The following SULT1E1 variants were observed in gnomAD, a reference collection of about 807,000 sequenced individuals.
The protein encoded by SULT1E1 is sulfotransferase family 1E member 1, also known as sulfotransferase 1E1.
SULT1E1 carries 36 observed loss-of-function variants against 33.6 expected under a neutral mutation model. That is an observed-to-expected ratio of 1.07 (90% CI 0.82 to 1.41). The LOEUF is 1.41. SULT1E1 is among the 40% of genes most tolerant of loss of function. The pLI is 0.00. For synonymous variants in SULT1E1, 121 were observed against 111.7 expected (o/e 1.08, Z -0.53); for missense variants, 371 against 345.7 (o/e 1.07, Z -0.58).
At chr4:69,851,966 G>T (rs1189872233) in intron 4 of SULT1E1, among the ~76,000 whole-genome samples, 1 of 151,992 alleles carries the variant, frequency 6.6e-6, no homozygotes, top group Non-Finnish European at 1.5e-5. Flanking sequence ...ACACACTGGG[G>T]CCTGTTGTGG....
Position 69,848,913 on chromosome 4 carries a change from A to C in SULT1E1, c.496+524T>G, listed in dbSNP as rs11573777. Among the ~76,000 whole-genome samples the C allele has an allele frequency of 3.0e-3, 459 of 152,044 alleles. 4 individuals carry two copies. Among genetic ancestry groups the C allele is most frequent in the African/African-American group, 0.011 (447 of 41,550 alleles). The stretch of plus-strand genomic sequence containing the variant: ...ATATCTGCTCAAGTAACTCTTAACA[A>C]ATTTGAGAAACCTGGTTAAAATATT... On this transcript the variant is annotated intron_variant, in intron 5 of 7. Coordinates refer to ENST00000226444, the MANE Select transcript of SULT1E1 (RefSeq NM_005420.3).
chr4:69,841,975 TAAGTA>T lies in SULT1E1; in HGVS notation c.*14_*18del, dbSNP rs1463650082. On this transcript the variant is annotated 3_prime_UTR_variant, in exon 8 of 8. Coordinates refer to ENST00000226444, the MANE Select transcript of SULT1E1 (RefSeq NM_005420.3). ...AAGAAATCTTTAATATCAGATATGT[TAAGTA>T]AAGAAAGACCTTCTTAGATCTCAGT... 7.6e-7 allele frequency: 1 copy of T among 1,317,938 alleles called. No homozygotes were observed. Among genetic ancestry groups the T allele is most frequent in the Non-Finnish European group, 1.1e-6 (1 of 927,336 alleles). 81.6% of individuals were successfully genotyped at this position (1,317,938 alleles called of 1,614,324 possible). A position where few individuals can be genotyped will look rare whatever the true frequency, so the allele number is the denominator to read the frequency against.
chr4:69,822,869 AG>A, the SULT1E1 span, among the ~76,000 whole-genome samples: 1 of 152,018 alleles, frequency 6.6e-6, no homozygotes, highest in Non-Finnish European at 1.5e-5. Flanking sequence ...GCACAAATAA[AG>A]AAAAAAGTGA....
intron 2 of SULT1E1, 150 bp from the exon 3 acceptor site, chr4:69,855,576 T>C: frequency 1.6e-6 from 1 of 643,430 alleles, no homozygotes; most frequent in Non-Finnish European, 2.4e-6. Context: ...AAATATTTTC[T>C]ATAATATTTT....
At chr4:69,824,379 G>T in the SULT1E1 span, among the ~76,000 whole-genome samples, 4 of 152,154 alleles carry the variant, frequency 2.6e-5, no homozygotes, top group South Asian at 2.1e-4. Flanking sequence ...GAAAGGCTTA[G>T]TTAGATCTGG....
chr4:69,822,371 C>A, the SULT1E1 span, among the ~76,000 whole-genome samples: 1 of 152,048 alleles, frequency 6.6e-6, no homozygotes, highest in Non-Finnish European at 1.5e-5. Context: ...CTTTTGGAGG[C>A]CAAGGCAGGA....
chr4:69,825,055 A>G, the SULT1E1 span, among the ~76,000 whole-genome samples: 12 of 152,160 alleles, frequency 7.9e-5, no homozygotes, highest in African/African-American at 2.9e-4. Context: ...ACCAGGAGGA[A>G]CAAACAACTC....
chr4:69,857,374 A>G (rs1210077123), intron 2 of SULT1E1, 126 bp downstream of exon 2: 3 of 1,193,040 alleles, frequency 2.5e-6, no homozygotes, highest in Non-Finnish European at 3.5e-6. Flanking sequence ...TTCTATGTCC[A>G]TATCAAAACT....
the SULT1E1 span, among the ~76,000 whole-genome samples, chr4:69,835,670 C>G: frequency 2.4e-4 from 36 of 152,028 alleles, no homozygotes; most frequent in Admixed American, 1.4e-3. Context: ...ATATCATACA[C>G]TAACATTTCA....
the SULT1E1 span, among the ~76,000 whole-genome samples, chr4:69,825,526 A>T: frequency 6.6e-6 from 1 of 152,142 alleles, no homozygotes; most frequent in Non-Finnish European, 1.5e-5. Context: ...GCCAGTTAAA[A>T]GCAACTAGCA....
chr4:69,855,315 T>C lies in SULT1E1; in HGVS notation c.257A>G (p.Glu86Gly), dbSNP rs779072453. Residue 86 changes from glutamate to glycine, a missense_variant, in exon 3 of 8, where the codon GAA (glutamate) becomes GGA (glycine). Coordinates refer to ENST00000226444, the MANE Select transcript of SULT1E1 (RefSeq NM_005420.3). ...NRIPFLECRKENLMNGVKQLD... is the reference protein window; with the variant it reads ...NRIPFLECRKGNLMNGVKQLD... ...TTGAACGTTACCATTCATGAGGTTT[T>C]CTTTTCTGCATTCCAGGAAAGGTAT... 2 of 1,612,600 alleles carry C rather than the reference T, an allele frequency of 1.2e-6. No homozygotes were observed. The highest frequency in any genetic ancestry group is 1.7e-6 in the Non-Finnish European group (2 of 1,179,302).
chr4:69,858,108 T>G (rs1298186564), intron 1 of SULT1E1, among the ~76,000 whole-genome samples: 1 of 152,134 alleles, frequency 6.6e-6, no homozygotes, highest in Admixed American at 6.5e-5. Context: ...GGTATCTAAG[T>G]CAGAGATTTT....
downstream of SULT1E1, chr4:69,838,544 A>G (rs1720833018): frequency 6.6e-6 from 1 of 152,170 alleles, no homozygotes; most frequent in African/African-American, 2.4e-5. Flanking sequence ...ATGACGCTGT[A>G]CTTTTACTGG....
At chr4:69,847,646 A>G (rs1054466837) in intron 6 of SULT1E1, 52 bp downstream of exon 6, 5 of 1,206,602 alleles carry the variant, frequency 4.1e-6, no homozygotes, top group Non-Finnish European at 5.9e-6. Context: ...GTATTTTCAA[A>G]TGCTAACATC....
In SULT1E1 at chr4:69,855,337, G is replaced by T. The variant is rs758649472; in HGVS notation, c.235C>A (p.Pro79Thr). ...CKEDVIFNRIPFLECRKENLM... is the reference protein window; with the variant it reads ...CKEDVIFNRITFLECRKENLM... Reference sequence around the variant, plus strand: ...TTTTCTTTTCTGCATTCCAGGAAAGGTATTCGATTAAAAATTACATCTTCT... The same window carrying T: ...TTTTCTTTTCTGCATTCCAGGAAAGTTATTCGATTAAAAATTACATCTTCT... The change falls in exon 3 of 8, where the codon CCT becomes ACT. Residue 79 changes from proline to threonine, a missense_variant. Coordinates refer to ENST00000226444, the MANE Select transcript of SULT1E1 (RefSeq NM_005420.3). 4.3e-6 allele frequency: 7 copies of T among 1,612,914 alleles called. No individual in the cohort carries two copies. In the East Asian group the frequency reaches 6.7e-5, roughly 15 times the overall value.
the SULT1E1 span, among the ~76,000 whole-genome samples, chr4:69,822,162 C>G: frequency 1.3e-3 from 191 of 152,212 alleles, 1 homozygote; most frequent in African/African-American, 4.3e-3. Context: ...AATTAATTCC[C>G]TCAACAATTC....
Position 69,857,664 on chromosome 4 carries a change from A to C in SULT1E1, c.-9-11T>G, listed in dbSNP as rs774579519. 4.1e-5 allele frequency: 65 copies of C among 1,573,446 alleles called. No homozygotes were observed. The highest frequency in any genetic ancestry group is 4.9e-5 in the Non-Finnish European group (57 of 1,166,744). ...ATTCATTGTGGTACACTGAAAAAAA[A>C]CCTCTGCTTTATACTTTGTATGTAC... On this transcript the variant is annotated splice_polypyrimidine_tract_variant and intron_variant, in intron 1 of 7. Coordinates refer to ENST00000226444, the MANE Select transcript of SULT1E1 (RefSeq NM_005420.3).
intron 5 of SULT1E1, 199 bp downstream of exon 5, chr4:69,849,238 G>C: frequency 2.5e-6 from 1 of 401,474 alleles, no homozygotes; most frequent in Non-Finnish European, 4.5e-6. Flanking sequence ...TTGGACCAGA[G>C]TGCTCAGATT....
chr4:69,824,410 G>A, the SULT1E1 span, among the ~76,000 whole-genome samples: 1 of 152,204 alleles, frequency 6.6e-6, no homozygotes, highest in Non-Finnish European at 1.5e-5. Flanking sequence ...GCTGGAGCCT[G>A]AGTCAAGGGT....
Sources: gnomAD v4.1 joint callset for allele counts (sites outside exome capture counted in the v4.1 genomes callset) on GRCh38, gnomAD v4.1.1 for gene constraint, MANE v1.5 for transcripts, NCBI Gene and HGNC (gene_info 2026-07-23, HGNC 2026-07-21) for gene names.